IRF4: variants seen among roughly 807,000 people sequenced by gnomAD.
The protein encoded by IRF4 is interferon regulatory factor 4.
Under a neutral mutation model 55.5 loss-of-function variants are expected in IRF4, and 13 were observed. The ratio of observed to expected loss-of-function variants is 0.23; its 90% CI spans 0.15 to 0.37. The LOEUF (loss-of-function observed/expected upper bound fraction) is 0.37, where lower values mean the gene tolerates loss of function less well. IRF4 is among the 10% of genes least tolerant of loss of function. The pLI is 1.00. For synonymous variants in IRF4, 249 were observed against 240.7 expected, an observed-to-expected ratio of 1.03 and a Z score of -0.32; for missense variants, 397 against 593.8, an observed-to-expected ratio of 0.67 and a Z score of 3.44.
rs1047440619 is a variant in IRF4, at chr6:409,475, A to C, written c.*1877A>C. On this transcript the variant is annotated 3_prime_UTR_variant, in exon 9 of 9. Transcript: ENST00000380956. ...AGAAAACCTCATGGAGTCATCTTGCACACACTTTCATGCAGTGCTCTTTGT... is the reference window on the plus strand; with the variant it reads ...AGAAAACCTCATGGAGTCATCTTGCCCACACTTTCATGCAGTGCTCTTTGT... 7.5e-5 allele frequency: 16 copies of C among 212,026 alleles called. No homozygotes were observed. Among genetic ancestry groups the C allele is most frequent in the African/African-American group, 3.6e-4 (16 of 44,132 alleles). 13.1% of individuals were successfully genotyped at this position (212,026 alleles called of 1,614,324 possible).
rs1470021018 is a variant in IRF4 at position 393,251 on chromosome 6, C to T, written c.99C>T (p.Asp33=). 1.3e-6 allele frequency: 2 copies of T among 1,588,688 alleles called. No individual in the cohort carries two copies. Among genetic ancestry groups the T allele is most frequent in the South Asian group, 1.2e-5 (1 of 86,876 alleles). ...GCCAGTGGCTGATCGACCAGATCGA[C>T]AGCGGCAAGTACCCCGGGCTGGTGT... The part of the protein sequence containing the change: ...KLRQWLIDQI[D]SGKYPGLVWE... The change falls in exon 2 of 9, where the codon GAC becomes GAT. Residue 33 remains aspartate, a synonymous_variant. Coordinates refer to ENST00000380956, the MANE Select transcript of IRF4 (RefSeq NM_002460.4). The surrounding 1 kb of genome is among the most constrained non-coding windows in gnomAD (Gnocchi z 5.4).
rs1761182353 is a variant in IRF4, at chr6:393,707, C to T, written c.216+339C>T. Among the ~76,000 whole-genome samples, 1 of 152,190 alleles carries T rather than the reference C, an allele frequency of 6.6e-6. No homozygotes were observed. Among genetic ancestry groups the T allele is most frequent in the Non-Finnish European group, 1.5e-5 (1 of 68,016 alleles). ...TTTCCACGCAAGCCTCCCGCCCTTC[C>T]TCCGGGCTCCCGTCTGCCGCCTCCG... On this transcript the variant is annotated intron_variant, in intron 2 of 8. Coordinates refer to ENST00000380956, the MANE Select transcript of IRF4 (RefSeq NM_002460.4). This position sits in a 1 kb window ranked among gnomAD's most constrained non-coding sequence, Gnocchi z 5.4.
At chr6:395,785 C>A in intron 3 of IRF4, 62 bp from the exon 4 acceptor site, 1 of 1,202,516 alleles carries the variant, frequency 8.3e-7, no homozygotes, top group Non-Finnish European at 1.2e-6. Context: ...CAAGATTTGA[C>A]ATTTAGTTAG....
Position 410,916 on chromosome 6 carries a change from C to A in IRF4, c.*3318C>A. On this transcript the variant is annotated 3_prime_UTR_variant, in exon 9 of 9. Coordinates refer to ENST00000380956, the MANE Select transcript of IRF4 (RefSeq NM_002460.4). ...ATTTTGTAAGTTATGTTTTACATGC[C>A]CCGTTTTTGAGACTGATCTCGATGC... The A allele has an allele frequency of 4.3e-6, 1 of 232,690 alleles. No individual in the cohort carries two copies. The allele number at this position is 232,690 out of a possible 1,614,324, so 14.4% of individuals were successfully genotyped here.
At position 393,127 on chromosome 6, in the gene IRF4, G is replaced by A. The variant is rs1273629334; in HGVS notation, c.-26G>A. On this transcript the variant is annotated 5_prime_UTR_variant, in exon 2 of 9. Coordinates refer to ENST00000380956, the MANE Select transcript of IRF4 (RefSeq NM_002460.4). This position sits in a 1 kb window ranked among gnomAD's most constrained non-coding sequence, Gnocchi z 5.4. ...GAGCAGAGCGGGCGGAGGACCCCGG[G>A]CGCGGGCGCGGACGGCACGCGGGGC... is the stretch of plus-strand genomic sequence containing the variant. 1.4e-5 allele frequency: 22 copies of A among 1,543,088 alleles called. No homozygotes were observed. In the Admixed American group the frequency reaches 3.3e-4, roughly 23 times the overall value.
rs1160900661 is a variant in IRF4 at position 407,561 on chromosome 6, A to T, written c.1319A>T (p.Tyr440Phe). 1 of 1,611,992 alleles carries T rather than the reference A, an allele frequency of 6.2e-7. No homozygotes were observed. The highest frequency in any genetic ancestry group is 8.5e-7 in the Non-Finnish European group (1 of 1,179,428). ...LPEHISNPED[Y>F]HRSIRHSSIQ... ...GAACACATCAGCAATCCAGAAGATT[A>T]CCACAGATCTATCCGCCATTCCTCT... The change falls in exon 9 of 9, where the codon TAC (tyrosine) becomes TTC (phenylalanine). Residue 440 changes from tyrosine to phenylalanine, a missense_variant. Tyr to Phe is a conservative substitution (Grantham distance 22). Around this residue, in one of 3 missense-constraint regions of IRF4, gnomAD observed 22 missense variants for 16.3 expected, o/e 1.35. Coordinates refer to ENST00000380956, the MANE Select transcript of IRF4 (RefSeq NM_002460.4).
rs1201706532 is a variant in IRF4 at position 410,239 on chromosome 6, C to G, written c.*2641C>G. On this transcript the variant is annotated 3_prime_UTR_variant, in exon 9 of 9. Coordinates refer to ENST00000380956, the MANE Select transcript of IRF4 (RefSeq NM_002460.4). ...ATATGGAAAAAATGTATGTGTCTCC[C>G]AGGTGCATTTCTTGGTTTATGTCTT... The G allele has an allele frequency of 4.4e-6, 1 of 228,840 alleles. No individual in the cohort carries two copies. Among genetic ancestry groups the G allele is most frequent in the African/African-American group, 2.2e-5 (1 of 45,114 alleles). The allele number at this position is 228,840 out of a possible 1,614,324, so 14.2% of individuals were successfully genotyped here.
In IRF4 at chr6:393,699, C is replaced by A. The variant is rs1323945274; in HGVS notation, c.216+331C>A. Among the ~76,000 whole-genome samples, 4 of 152,172 alleles carry A rather than the reference C, an allele frequency of 2.6e-5. No homozygotes were observed. The highest frequency in any genetic ancestry group is 9.6e-5 in the African/African-American group (4 of 41,452). ...CGTTCTCGTTTCCACGCAAGCCTCC[C>A]GCCCTTCCTCCGGGCTCCCGTCTGC... On this transcript the variant is annotated intron_variant, in intron 2 of 8. Coordinates refer to ENST00000380956, the MANE Select transcript of IRF4 (RefSeq NM_002460.4). This position sits in a 1 kb window ranked among gnomAD's most constrained non-coding sequence, Gnocchi z 5.4.
At position 391,781 on chromosome 6, in the gene IRF4, G is replaced by A. The variant is rs1252640867; in HGVS notation, c.-84G>A. The A allele has an allele frequency of 4.5e-6, 2 of 447,358 alleles. No individual in the cohort carries two copies. Among genetic ancestry groups the A allele is most frequent in the African/African-American group, 2.1e-5 (1 of 48,132 alleles). The allele number at this position is 447,358 out of a possible 1,614,324, so 27.7% of individuals were successfully genotyped here. A position where few individuals can be genotyped will look rare whatever the true frequency, so the allele number is the denominator to read the frequency against. On this transcript the variant is annotated 5_prime_UTR_variant, in exon 1 of 9. Transcript: ENST00000380956. ...TCACCGCTCGATCTTGGGACCCACCGCTGCCCTCAGCTCCGAGTCCAGGGC... is the reference window on the plus strand; with the variant it reads ...TCACCGCTCGATCTTGGGACCCACCACTGCCCTCAGCTCCGAGTCCAGGGC...
At chr6:396,042 T>C (rs1761246412) in intron 4 of IRF4, 107 bp downstream of exon 4, 1 of 831,868 alleles carries the variant, frequency 1.2e-6, no homozygotes. Flanking sequence ...CCATTTGCTA[T>C]GGCTGCTCCA....
intron 3 of IRF4, 30 bp downstream of exon 3, chr6:395,037 A>C: frequency 6.5e-7 from 1 of 1,539,414 alleles, no homozygotes. Context: ...TGGGTCACCT[A>C]ACAGAGGCAG....
In IRF4 at chr6:393,412, CAG is replaced by C; in HGVS notation, c.216+48_216+49del. On this transcript the variant is annotated intron_variant, in intron 2 of 8. Transcript: ENST00000380956. This position sits in a 1 kb window ranked among gnomAD's most constrained non-coding sequence, Gnocchi z 5.4. ...CGGCGGGGGCGCGCCGGGGAGGGCC[CAG>C]AGACAGAGCCCGGGGTCCCCGGCGC... is the stretch of plus-strand genomic sequence containing the variant. 7.3e-7 allele frequency: 1 copy of C among 1,372,764 alleles called. No individual in the cohort carries two copies. Among genetic ancestry groups the C allele is most frequent in the Non-Finnish European group, 9.8e-7 (1 of 1,022,594 alleles). 85.0% of individuals were successfully genotyped at this position (1,372,764 alleles called of 1,614,324 possible).
In IRF4 at chr6:404,449, A is replaced by C. The variant is rs118040333; in HGVS notation, c.1100-569A>C. Among the ~76,000 whole-genome samples the C allele has an allele frequency of 8.9e-4, 135 of 152,354 alleles. 1 individual carries two copies. In the East Asian group the frequency reaches 0.023, roughly 26 times the overall value. On this transcript the variant is annotated intron_variant, in intron 7 of 8. Transcript: ENST00000380956. ...ACTCAGAGTTACACAGTTCAGGCAT[A>C]GTGACAGTGGGACTCAGCTGCCGAT...
intron 5 of IRF4, 109 bp downstream of exon 5, chr6:397,361 T>G: frequency 3.7e-6 from 5 of 1,334,310 alleles, no homozygotes; most frequent in Non-Finnish European, 5.2e-6. Flanking sequence ...TTCCCCTTCT[T>G]AGAGGCTGCG....
intron 2 of IRF4, among the ~76,000 whole-genome samples, chr6:394,308 G>GA (rs981481743): frequency 6.6e-6 from 1 of 152,176 alleles, no homozygotes; most frequent in Non-Finnish European, 1.5e-5. Context: ...TAAATACCCA[G>GA]AAAATGTGTC....
intron 6 of IRF4, 144 bp from the exon 7 acceptor site, chr6:401,280 C>A: frequency 1.6e-6 from 1 of 631,948 alleles, no homozygotes; most frequent in Non-Finnish European, 2.7e-6. Flanking sequence ...TTTCCCAGGC[C>A]TCCTTGACGC....
chr6:395,104 T>G, intron 3 of IRF4, 97 bp downstream of exon 3: 1 of 968,446 alleles, frequency 1.0e-6, no homozygotes, highest in Non-Finnish European at 1.5e-6. Flanking sequence ...GCTTTCCTTT[T>G]GTATTGCCTG....
intron 1 of IRF4, among the ~76,000 whole-genome samples, chr6:392,700 G>A (rs1396872357): frequency 2.0e-5 from 3 of 152,240 alleles, no homozygotes; most frequent in African/African-American, 7.2e-5. Flanking sequence ...CGGGGAAGGG[G>A]CGAGAAGCGG....
chr6:396,051 C>A, intron 4 of IRF4, 116 bp downstream of exon 4: 1 of 748,012 alleles, frequency 1.3e-6, no homozygotes, highest in Non-Finnish European at 2.2e-6. Flanking sequence ...ATGGCTGCTC[C>A]AACAGCCCAG....
Sources: allele counts gnomAD v4.1 joint callset (sites outside exome capture counted in the v4.1 genomes callset), GRCh38; gene constraint gnomAD v4.1.1; regional missense constraint gnomAD v4.1.1; non-coding constraint Gnocchi (gnomAD v3.1); transcripts MANE v1.5; gene names NCBI Gene and HGNC (gene_info 2026-07-23, HGNC 2026-07-21).